The following ARHGEF38 variants were observed in gnomAD, a reference collection of about 807,000 sequenced individuals.
The protein encoded by ARHGEF38 is Rho guanine nucleotide exchange factor 38.
A neutral mutation model predicts 79.9 loss-of-function variants in ARHGEF38; 79 were observed. The observed-to-expected ratio is 0.99, with a 90% CI of 0.82 to 1.19. ARHGEF38 has a LOEUF of 1.19. ARHGEF38 is among the 50% of genes most tolerant of loss of function. ARHGEF38 has a pLI of 0.00. For missense variants in ARHGEF38, 962 were observed against 907.2 expected, an observed-to-expected ratio of 1.06 and a Z score of -0.78; for synonymous variants, 366 against 328.3, an observed-to-expected ratio of 1.11 and a Z score of -1.24.
chr4:105,614,216 C>T (rs943933853), intron 3 of ARHGEF38, among the ~76,000 whole-genome samples: 1 of 152,130 alleles, frequency 6.6e-6, no homozygotes, highest in African/African-American at 2.4e-5. Context: ...CATACAGTGT[C>T]ATGTAGGCTA....
chr4:105,626,198 C>T (rs1728938606), intron 3 of ARHGEF38, among the ~76,000 whole-genome samples: 1 of 152,306 alleles, frequency 6.6e-6, no homozygotes, highest in Non-Finnish European at 1.5e-5. Context: ...AACTCGTCAT[C>T]TTTCTCATTA....
chr4:105,677,916 T>G lies in ARHGEF38; in HGVS notation c.2313T>G (p.Leu771=), dbSNP rs1472430791. Residue 771 remains leucine, a synonymous_variant, in exon 14 of 14, where the codon CTT becomes CTG. Coordinates refer to ENST00000420470, the MANE Select transcript of ARHGEF38 (RefSeq NM_001242729.2). ...AAGGATACGTGCCAGCTAACTACCTTGGAAAGATGACTTATGCTTAAGAAA... is the reference window on the plus strand; with the variant it reads ...AAGGATACGTGCCAGCTAACTACCTGGGAAAGATGACTTATGCTTAAGAAA... ...GQKGYVPANY[L]GKMTYA 2 of 1,525,066 alleles carry G rather than the reference T, an allele frequency of 1.3e-6. No homozygotes were observed. The highest frequency in any genetic ancestry group is 4.0e-5 in the Admixed American group (2 of 49,874). The allele number at this position is 1,525,066 out of a possible 1,614,324, so 94.5% of individuals were successfully genotyped here.
intron 5 of ARHGEF38, among the ~76,000 whole-genome samples, chr4:105,638,464 C>T (rs944824403): frequency 6.6e-6 from 1 of 152,002 alleles, no homozygotes; most frequent in Non-Finnish European, 1.5e-5. Flanking sequence ...GTCAGATTAG[C>T]TATTCTCACC....
chr4:105,659,023 T>G (rs1162133280), intron 9 of ARHGEF38, 31 bp from the exon 10 acceptor site: 2 of 1,507,734 alleles, frequency 1.3e-6, no homozygotes, highest in Non-Finnish European at 1.8e-6. Flanking sequence ...TGATCCTCTC[T>G]CTGAAATGGG....
intron 1 of ARHGEF38, among the ~76,000 whole-genome samples, chr4:105,570,567 TA>T: frequency 6.6e-6 from 1 of 152,238 alleles, no homozygotes; most frequent in African/African-American, 2.4e-5. Context: ...GAAGGGGAAC[TA>T]TGAGTGAAGA....
At chr4:105,608,777 AT>A (rs1196467559) in intron 2 of ARHGEF38, among the ~76,000 whole-genome samples, 4 of 151,896 alleles carry the variant, frequency 2.6e-5, no homozygotes, top group African/African-American at 9.7e-5. Flanking sequence ...AACGTGTGTC[AT>A]GGGGGTTTGT....
Position 105,655,642 on chromosome 4 carries a change from C to T in ARHGEF38, c.1153C>T (p.Gln385Ter). 3 of 1,535,950 alleles carry T rather than the reference C, an allele frequency of 2.0e-6. No homozygotes were observed. The highest frequency in any genetic ancestry group is 1.7e-6 in the Non-Finnish European group (2 of 1,146,726). Residue 385 changes from glutamine to a stop codon, truncating the protein, a stop_gained, in exon 9 of 14, where the codon CAG (glutamine) becomes TAG (stop). Coordinates refer to ENST00000420470, the MANE Select transcript of ARHGEF38 (RefSeq NM_001242729.2). LOFTEE classifies it high-confidence loss of function. ...PLALQSVMDLQEISYNKDDEM... is the reference protein window; with the variant it reads ...PLALQSVMDL ...GGCTCTGCAGAGTGTGATGGACCTT[C>T]AGGAGATTTCATACAACAAAGACGA...
intron 10 of ARHGEF38, among the ~76,000 whole-genome samples, chr4:105,660,691 C>A (rs1033172458): frequency 6.6e-6 from 1 of 152,132 alleles, no homozygotes. Flanking sequence ...CCACTCGCCT[C>A]GGCCTTCCAA....
At chr4:105,604,652 G>A (rs977082539) in intron 2 of ARHGEF38, among the ~76,000 whole-genome samples, 2 of 152,042 alleles carry the variant, frequency 1.3e-5, no homozygotes, top group Non-Finnish European at 2.9e-5. Context: ...TTCAGATATT[G>A]GGCCTAAAGG....
rs1207352742 is a variant in ARHGEF38 at position 105,679,764 on chromosome 4, A to C, written c.*1827A>C. On this transcript the variant is annotated 3_prime_UTR_variant, in exon 14 of 14. Coordinates refer to ENST00000420470, the MANE Select transcript of ARHGEF38 (RefSeq NM_001242729.2). ...GTTGACCTTTCTCTTGGTTGATAAA[A>C]ACATATACAAACCCCTGTCTGTCCA... 1.1e-6 allele frequency: 1 copy of C among 930,930 alleles called. No homozygotes were observed. The allele number at this position is 930,930 out of a possible 1,614,324, so 57.7% of individuals were successfully genotyped here.
rs1428536358 is a variant in ARHGEF38, at chr4:105,667,244, A to G, written c.1805A>G (p.Asn602Ser). The change falls in exon 12 of 14, where the codon AAT becomes AGT. Residue 602 changes from asparagine to serine, a missense_variant. Asn to Ser is a conservative substitution (Grantham distance 46, BLOSUM62 1). Transcript: ENST00000420470. ...AATGCTACACAAGAATATGACATCA[A>G]TCTTCTGGAAGGAGACTTGGTGGCT... ...KCNATQEYDI[N>S]LLEGDLVAVI... The G allele has an allele frequency of 5.9e-6, 9 of 1,536,074 alleles. No individual in the cohort carries two copies. The highest frequency in any genetic ancestry group is 1.7e-4 in the Middle Eastern group (1 of 6,012).
In ARHGEF38 at chr4:105,667,227, A is replaced by C. The variant is rs1386040695; in HGVS notation, c.1788A>C (p.Thr596=). The C allele has an allele frequency of 1.3e-6, 2 of 1,536,216 alleles. No homozygotes were observed. Among genetic ancestry groups the C allele is most frequent in the Admixed American group, 3.9e-5 (2 of 51,002 alleles). The part of the protein sequence containing the change: ...LYQAKRKCNA[T]QEYDINLLEG... ...AAGCTAAGCGCAAGTGCAATGCTAC[A>C]CAAGAATATGACATCAATCTTCTGG... Residue 596 remains threonine, a synonymous_variant, in exon 12 of 14, where the codon ACA becomes ACC. Transcript: ENST00000420470.
Position 105,578,268 on chromosome 4 carries a change from T to C in ARHGEF38, c.197-10980T>C, listed in dbSNP as rs537256295. 3.0e-4 allele frequency among the ~76,000 whole-genome samples: 46 copies of C among 152,292 alleles called. 1 individual carries two copies. The South Asian group carries it at 9.3e-3, about 31-fold the overall frequency. Reference sequence around the variant, plus strand: ...TTGTGGAGTTAATTTCTAGTTTTATTCCACTGTGGTCTGAAAGATAGTTGA... The same window carrying C: ...TTGTGGAGTTAATTTCTAGTTTTATCCCACTGTGGTCTGAAAGATAGTTGA... On this transcript the variant is annotated intron_variant, in intron 1 of 13. Transcript: ENST00000420470.
chr4:105,593,149 G>A (rs928662598), intron 2 of ARHGEF38, among the ~76,000 whole-genome samples: 2 of 151,986 alleles, frequency 1.3e-5, no homozygotes, highest in Non-Finnish European at 1.5e-5. Context: ...TATTTACTAG[G>A]TATAAGAACA....
intron 5 of ARHGEF38, among the ~76,000 whole-genome samples, chr4:105,636,766 G>A (rs568353536): frequency 6.6e-6 from 1 of 152,072 alleles, no homozygotes; most frequent in East Asian, 1.9e-4. Flanking sequence ...AAAAATCTCA[G>A]ATTAATATCA....
chr4:105,586,301 A>G (rs1307743820), intron 1 of ARHGEF38, among the ~76,000 whole-genome samples: 1 of 148,186 alleles, frequency 6.7e-6, no homozygotes, highest in African/African-American at 2.5e-5. Flanking sequence ...TTTTGTTCCT[A>G]CAATAAACTT....
intron 1 of ARHGEF38, among the ~76,000 whole-genome samples, chr4:105,565,597 A>G (rs1361911215): frequency 1.3e-5 from 2 of 152,208 alleles, no homozygotes; most frequent in Non-Finnish European, 2.9e-5. Flanking sequence ...ACGGGTAGAA[A>G]GGGAATCGGA....
At chr4:105,574,186 C>T (rs1726371826) in intron 1 of ARHGEF38, among the ~76,000 whole-genome samples, 1 of 151,844 alleles carries the variant, frequency 6.6e-6, no homozygotes, top group Non-Finnish European at 1.5e-5. Flanking sequence ...TTTTTTTCCA[C>T]TTTGGATGCC....
intron 1 of ARHGEF38, among the ~76,000 whole-genome samples, chr4:105,578,219 T>A (rs1282451715): frequency 6.6e-6 from 1 of 152,178 alleles, no homozygotes; most frequent in African/African-American, 2.4e-5. Flanking sequence ...AATTTCCATG[T>A]GTTTGTATAG....
Sources: gnomAD v4.1 joint callset for allele counts (sites outside exome capture counted in the v4.1 genomes callset) on GRCh38, gnomAD v4.1.1 for gene constraint, MANE v1.5 for transcripts, NCBI Gene and HGNC (gene_info 2026-07-23, HGNC 2026-07-21) for gene names.